The following DCC variants were observed in gnomAD, a reference collection of about 807,000 sequenced individuals.
The protein encoded by DCC is netrin receptor DCC.
A neutral mutation model predicts 172.5 loss-of-function variants in DCC; 58 were observed. That is an observed-to-expected ratio of 0.34 (90% CI 0.27 to 0.42). The LOEUF (loss-of-function observed/expected upper bound fraction) is 0.42. Among genes scored for constraint, DCC ranks in the 10% least tolerant of loss-of-function variants. DCC has a pLI of 1.00. For synonymous variants in DCC, 709 were observed against 644.5 expected (o/e 1.10, Z -1.52); for missense variants, 1,740 against 1,791.0 (o/e 0.97, Z 0.51).
At chr18:53,493,925 T>C (rs2045988800) in intron 26 of DCC, among the ~76,000 whole-genome samples, 1 of 152,248 alleles carries the variant, frequency 6.6e-6, no homozygotes, top group South Asian at 2.1e-4. Flanking sequence ...TGTTATGGTG[T>C]TGATTTCAGA....
At chr18:52,994,514 C>G (rs902581878) in intron 5 of DCC, among the ~76,000 whole-genome samples, 20 of 152,134 alleles carry the variant, frequency 1.3e-4, no homozygotes, top group Admixed American at 6.5e-5. Context: ...ACGTACGATT[C>G]TCATACTTCA....
chr18:53,225,914 G>A (rs1395732849), intron 12 of DCC, among the ~76,000 whole-genome samples: 1 of 152,104 alleles, frequency 6.6e-6, no homozygotes, highest in African/African-American at 2.4e-5. Flanking sequence ...TTTTTGCAAA[G>A]GAGTGATTAA....
At chr18:52,502,081 G>A (rs2031043067) in intron 1 of DCC, among the ~76,000 whole-genome samples, 1 of 152,140 alleles carries the variant, frequency 6.6e-6, no homozygotes, top group African/African-American at 2.4e-5. Flanking sequence ...TTCCAGCTCT[G>A]CATTTGCATG....
intron 2 of DCC, among the ~76,000 whole-genome samples, chr18:52,824,840 G>A (rs1943118): frequency 0.17 from 26,273 of 151,852 alleles, 2,410 homozygotes; most frequent in Middle Eastern, 0.23. Context: ...CATGGTGACA[G>A]GTGCCTGTAA....
At chr18:52,669,121 T>G (rs1463004491) in intron 1 of DCC, among the ~76,000 whole-genome samples, 1 of 152,054 alleles carries the variant, frequency 6.6e-6, no homozygotes, top group Non-Finnish European at 1.5e-5. Context: ...GTTGATTGGT[T>G]AGGTAGGAAA....
chr18:52,958,761 A>AG (rs200342993), intron 5 of DCC, among the ~76,000 whole-genome samples: 2,059 of 152,206 alleles, frequency 0.014, 61 homozygotes, highest in African/African-American at 0.048. Context: ...ATATTGAAGG[A>AG]GGAGAGACAT....
intron 1 of DCC, among the ~76,000 whole-genome samples, chr18:52,396,925 C>T (rs190069091): frequency 6.6e-6 from 1 of 152,128 alleles, no homozygotes; most frequent in Admixed American, 6.6e-5. Flanking sequence ...TTTTCCTTAG[C>T]TGATGCTTAG....
intron 5 of DCC, among the ~76,000 whole-genome samples, chr18:52,971,870 CT>C (rs2041035960): frequency 6.6e-6 from 1 of 151,988 alleles, no homozygotes; most frequent in South Asian, 2.1e-4. Context: ...GATCTCTTTC[CT>C]GCTATGTAGT....
intron 2 of DCC, among the ~76,000 whole-genome samples, chr18:52,899,717 A>C (rs990210183): frequency 6.6e-6 from 1 of 151,920 alleles, no homozygotes; most frequent in Non-Finnish European, 1.5e-5. Context: ...GTTGGTCTCA[A>C]ACTCCTGTCC....
chr18:52,615,996 T>C lies in DCC; in HGVS notation c.92-136058T>C, dbSNP rs986459392. On this transcript the variant is annotated intron_variant, in intron 1 of 28. Transcript: ENST00000442544. ...TATGAATGAATGAATAATTTCAAAT[T>C]TATAAAACATTTGCAAAGGTAGAAC... Among the ~76,000 whole-genome samples the C allele has an allele frequency of 3.9e-5, 6 of 152,160 alleles. No individual in the cohort carries two copies. In the East Asian group the frequency reaches 1.2e-3, roughly 29 times the overall value.
At chr18:52,656,012 A>G (rs1460190) in intron 1 of DCC, among the ~76,000 whole-genome samples, 17,090 of 110,984 alleles carry the variant, frequency 0.15, 1,282 homozygotes, top group Non-Finnish European at 0.21. Flanking sequence ...GTATATATAT[A>G]TGTGTGTATA....
chr18:52,844,532 T>G (rs182334572), intron 2 of DCC, among the ~76,000 whole-genome samples: 24 of 152,338 alleles, frequency 1.6e-4, no homozygotes, highest in African/African-American at 4.8e-4. Context: ...TGCAACCATT[T>G]CCTCAGTGAC....
At chr18:53,287,701 T>C (rs1460339860) in intron 12 of DCC, among the ~76,000 whole-genome samples, 1 of 152,188 alleles carries the variant, frequency 6.6e-6, no homozygotes, top group Admixed American at 6.5e-5. Flanking sequence ...ACAATCATCA[T>C]AGTGGTTGTA....
intron 5 of DCC, among the ~76,000 whole-genome samples, chr18:52,976,643 A>C (rs564215611): frequency 8.5e-5 from 13 of 152,382 alleles, no homozygotes; most frequent in Admixed American, 2.6e-4. Flanking sequence ...ATCTTAATTC[A>C]AAAGCTGAAG....
At chr18:53,463,209 A>T (rs915496363) in intron 24 of DCC, among the ~76,000 whole-genome samples, 4 of 152,218 alleles carry the variant, frequency 2.6e-5, no homozygotes, top group Admixed American at 2.6e-4. Flanking sequence ...CTTCTAAGAC[A>T]CATCCTTCTA....
intron 3 of DCC, 68 bp from the exon 4 acceptor site, chr18:52,923,639 T>A: frequency 7.8e-7 from 1 of 1,282,528 alleles, no homozygotes; most frequent in South Asian, 1.2e-5. Context: ...AGGAAAAAAA[T>A]CAAAATATAT....
intron 5 of DCC, among the ~76,000 whole-genome samples, chr18:53,061,344 G>C (rs757633633): frequency 4.0e-4 from 61 of 151,590 alleles, no homozygotes; most frequent in Non-Finnish European, 6.9e-4. Context: ...TTCTCTCTCT[G>C]TGTGTGTGTT....
intron 1 of DCC, among the ~76,000 whole-genome samples, chr18:52,531,941 C>T (rs146493294): frequency 2.6e-5 from 4 of 152,258 alleles, no homozygotes; most frequent in Non-Finnish European, 5.9e-5. Flanking sequence ...AGAAGCAACC[C>T]ACTATCTTAT....
At chr18:52,887,334 T>C (rs2039584855) in intron 2 of DCC, among the ~76,000 whole-genome samples, 1 of 151,984 alleles carries the variant, frequency 6.6e-6, no homozygotes, top group South Asian at 2.1e-4. Context: ...ATCATCAACA[T>C]GTATTTGCAG....
Sources: gnomAD v4.1 joint callset for allele counts (sites outside exome capture counted in the v4.1 genomes callset) on GRCh38, gnomAD v4.1.1 for gene constraint, MANE v1.5 for transcripts, NCBI Gene and HGNC (gene_info 2026-07-23, HGNC 2026-07-21) for gene names.